The following SYT1 variants were observed in gnomAD, a reference collection of about 807,000 sequenced individuals.
SYT1 encodes synaptotagmin 1.
A neutral mutation model predicts 44.8 loss-of-function variants in SYT1; 8 were observed. The observed-to-expected ratio is 0.18, with a 90% CI of 0.10 to 0.32. The LOEUF is 0.32. Ranked by LOEUF, SYT1 falls within the 10% of genes least tolerant of loss-of-function variation. The pLI, the probability that SYT1 is intolerant of heterozygous loss-of-function variation, is 1.00. For missense variants in SYT1, 286 were observed against 509.3 expected (o/e 0.56, Z 4.22); for synonymous variants, 154 against 188.8 (o/e 0.82, Z 1.51).
intron 4 of SYT1, among the ~76,000 whole-genome samples, chr12:79,284,975 T>C (rs749999354): frequency 4.6e-5 from 7 of 152,176 alleles, no homozygotes; most frequent in Non-Finnish European, 8.8e-5. Context: ...ATCTTCACTG[T>C]ATAGAGGAGG....
At chr12:79,444,675 A>C (rs530600056) in intron 10 of SYT1, among the ~76,000 whole-genome samples, 1 of 152,222 alleles carries the variant, frequency 6.6e-6, no homozygotes, top group East Asian at 1.9e-4. Flanking sequence ...AATTAGGCTA[A>C]GTTGTGTTTT....
intron 2 of SYT1, among the ~76,000 whole-genome samples, chr12:78,987,117 C>T (rs1444258585): frequency 6.6e-6 from 1 of 151,970 alleles, no homozygotes; most frequent in Admixed American, 6.6e-5. Context: ...TTGTTTGCAA[C>T]TTTTAGAGCC....
At chr12:78,865,436 C>T (rs1054275596) in intron 1 of SYT1, among the ~76,000 whole-genome samples, 1 of 152,078 alleles carries the variant, frequency 6.6e-6, no homozygotes, top group South Asian at 2.1e-4. Context: ...CACACCTCCC[C>T]TCTCGCCCTC....
At chr12:78,990,922 A>G (rs1327728259) in intron 2 of SYT1, among the ~76,000 whole-genome samples, 2 of 152,170 alleles carry the variant, frequency 1.3e-5, no homozygotes, top group South Asian at 2.1e-4. Flanking sequence ...CTACTTTGAC[A>G]AGTACATGAA....
intron 4 of SYT1, among the ~76,000 whole-genome samples, chr12:79,253,345 G>A (rs912727908): frequency 1.3e-5 from 2 of 151,774 alleles, no homozygotes; most frequent in South Asian, 2.1e-4. Context: ...CATTATTATT[G>A]TATCTGTTAT....
chr12:78,879,717 C>A (rs1319150912), intron 1 of SYT1, among the ~76,000 whole-genome samples: 2 of 151,792 alleles, frequency 1.3e-5, no homozygotes, highest in Non-Finnish European at 2.9e-5. Context: ...TTCAAATCAA[C>A]TTGCCTTCTC....
intron 1 of SYT1, among the ~76,000 whole-genome samples, chr12:78,935,468 A>AGAACTAAGTTCTATAG (rs1877999057): frequency 6.6e-6 from 1 of 152,214 alleles, no homozygotes; most frequent in Admixed American, 6.5e-5. Context: ...GAAAGGCTAT[A>AGAACTAAGTTCTATAG]TACTAAGTTA....
At chr12:78,887,303 G>C (rs774442993) in intron 1 of SYT1, among the ~76,000 whole-genome samples, 3 of 151,846 alleles carry the variant, frequency 2.0e-5, no homozygotes, top group Non-Finnish European at 4.4e-5. Flanking sequence ...CTGACTATCG[G>C]TATTACAGTG....
chr12:79,117,711 AT>A lies in SYT1; in HGVS notation c.-18+70350del, dbSNP rs1477150254. On this transcript the variant is annotated intron_variant, in intron 3 of 10. Transcript: ENST00000261205. ...TATATATATATATATATATATATAT[AT>A]ATAAAATAAATAGGTTGCATACAGA... is the stretch of plus-strand genomic sequence containing the variant. 6.0e-3 allele frequency among the ~76,000 whole-genome samples: 663 copies of A among 109,778 alleles called. 10 individuals carry two copies. The highest frequency in any genetic ancestry group is 9.7e-3 in the Non-Finnish European group (520 of 53,370). 72.0% of individuals were successfully genotyped at this position (109,778 alleles called of 152,430 possible). A position where few individuals can be genotyped will look rare whatever the true frequency, so the allele number is the denominator to read the frequency against.
chr12:79,326,753 G>C (rs567480379), intron 8 of SYT1, among the ~76,000 whole-genome samples: 1 of 152,232 alleles, frequency 6.6e-6, no homozygotes, highest in Non-Finnish European at 1.5e-5. Context: ...CTTAATGGTT[G>C]TGTTTATTTC....
chr12:79,327,309 G>A (rs1316930155), intron 8 of SYT1, among the ~76,000 whole-genome samples: 2 of 152,198 alleles, frequency 1.3e-5, no homozygotes, highest in Non-Finnish European at 2.9e-5. Flanking sequence ...AGTATCCACA[G>A]CAATCCTACA....
Position 78,865,002 on chromosome 12 carries a change from C to A in SYT1, c.-324C>A, listed in dbSNP as rs957941013. ...CACACCCCTTTTGTGTTGCAGGCTG[C>A]CCCTCCAAGAGCGGAGGCAGCGAGA... is the stretch of plus-strand genomic sequence containing the variant. On this transcript the variant is annotated 5_prime_UTR_variant, in exon 1 of 11. Transcript: ENST00000261205. 10 of 152,290 alleles carry A rather than the reference C, an allele frequency of 6.6e-5. No individual in the cohort carries two copies. The highest frequency in any genetic ancestry group is 1.5e-4 in the Non-Finnish European group (10 of 68,184). The allele number at this position is 152,290 out of a possible 1,614,324, so 9.4% of individuals were successfully genotyped here.
chr12:79,046,858 T>A (rs61929014), intron 2 of SYT1, among the ~76,000 whole-genome samples: 119 of 152,054 alleles, frequency 7.8e-4, no homozygotes, highest in Non-Finnish European at 1.4e-3. Flanking sequence ...GTGAAAAATA[T>A]AAAACTTAAA....
intron 3 of SYT1, among the ~76,000 whole-genome samples, chr12:79,070,365 C>T (rs1876180815): frequency 6.6e-6 from 1 of 152,014 alleles, no homozygotes; most frequent in Non-Finnish European, 1.5e-5. Context: ...TTAATTTGCC[C>T]AAGGACAAAG....
intron 9 of SYT1, among the ~76,000 whole-genome samples, chr12:79,400,120 G>A (rs554020362): frequency 6.6e-6 from 1 of 152,250 alleles, no homozygotes; most frequent in Admixed American, 6.5e-5. Context: ...GAATACACAA[G>A]TCATTCCCTC....
chr12:79,196,230 C>T (rs1210513144), intron 3 of SYT1, among the ~76,000 whole-genome samples: 6 of 151,884 alleles, frequency 4.0e-5, no homozygotes, highest in African/African-American at 1.5e-4. Context: ...TGCAGTGTCA[C>T]GATCTCGGCT....
intron 3 of SYT1, among the ~76,000 whole-genome samples, chr12:79,136,845 T>C (rs746898627): frequency 3.3e-5 from 5 of 152,218 alleles, no homozygotes; most frequent in Non-Finnish European, 5.9e-5. Context: ...AAATATGGCC[T>C]TACTTGCATA....
intron 1 of SYT1, among the ~76,000 whole-genome samples, chr12:78,905,707 C>T (rs959594283): frequency 2.6e-5 from 4 of 151,880 alleles, no homozygotes; most frequent in African/African-American, 9.7e-5. Context: ...AATACCTGAA[C>T]ATTGGACTAT....
intron 6 of SYT1, among the ~76,000 whole-genome samples, chr12:79,294,284 C>A (rs1879774240): frequency 6.6e-6 from 1 of 151,950 alleles, no homozygotes. Context: ...CAGCAAACAT[C>A]AAATCTAAAA....
Sources: gnomAD v4.1 joint callset for allele counts (sites outside exome capture counted in the v4.1 genomes callset) on GRCh38, gnomAD v4.1.1 for gene constraint, MANE v1.5 for transcripts, NCBI Gene and HGNC (gene_info 2026-07-23, HGNC 2026-07-21) for gene names.